FOXP1: variants seen among roughly 807,000 people sequenced by gnomAD.
FOXP1 encodes forkhead box protein P1.
Under a neutral mutation model 98.2 loss-of-function variants are expected in FOXP1, and 15 were observed. The ratio of observed to expected loss-of-function variants is 0.15; its 90% CI spans 0.10 to 0.24. FOXP1 has a LOEUF of 0.24. Among genes scored for constraint, FOXP1 ranks in the 10% least tolerant of loss-of-function variants. The pLI, the probability that FOXP1 is intolerant of heterozygous loss-of-function variation, is 1.00. For synonymous variants in FOXP1, 371 were observed against 314.5 expected (o/e 1.18, Z -1.90); for missense variants, 633 against 848.5 (o/e 0.75, Z 3.15).
At chr3:71,111,776 T>C (rs550688235) in intron 7 of FOXP1, among the ~76,000 whole-genome samples, 1 of 152,192 alleles carries the variant, frequency 6.6e-6, no homozygotes, top group Non-Finnish European at 1.5e-5. Flanking sequence ...AAATCAGAAG[T>C]TGCTAGAACA....
chr3:71,082,311 G>A (rs950371128), intron 7 of FOXP1, among the ~76,000 whole-genome samples: 12 of 150,754 alleles, frequency 8.0e-5, no homozygotes, highest in African/African-American at 1.2e-4. Context: ...AAGAATAGAC[G>A]GTGCTGATGT....
At chr3:71,473,132 T>C (rs2089507546) in intron 3 of FOXP1, among the ~76,000 whole-genome samples, 1 of 152,204 alleles carries the variant, frequency 6.6e-6, no homozygotes, top group Admixed American at 6.5e-5. Context: ...TAACATCACG[T>C]GCATAGCTCA....
intron 6 of FOXP1, among the ~76,000 whole-genome samples, chr3:71,159,588 C>T (rs888540213): frequency 6.6e-6 from 1 of 152,126 alleles, no homozygotes; most frequent in African/African-American, 2.4e-5. Context: ...CACAAATAAC[C>T]CATTCTCTTT....
chr3:71,047,844 G>A (rs1320382534), intron 9 of FOXP1, among the ~76,000 whole-genome samples: 1 of 152,114 alleles, frequency 6.6e-6, no homozygotes, highest in Non-Finnish European at 1.5e-5. Context: ...GGGGCTTTAC[G>A]ATATGATAAA....
chr3:71,004,976 T>C (rs891837913), intron 12 of FOXP1, among the ~76,000 whole-genome samples: 2 of 152,050 alleles, frequency 1.3e-5, no homozygotes, highest in African/African-American at 2.4e-5. Context: ...AAAAGGGCTA[T>C]GGAAAATGTG....
rs968640444 is a variant in FOXP1, at chr3:71,539,766, T to A, written c.-298+41783A>T. 6.6e-5 allele frequency among the ~76,000 whole-genome samples: 10 copies of A among 152,348 alleles called. No homozygotes were observed. In the South Asian group the frequency reaches 2.1e-3, roughly 32 times the overall value. On this transcript the variant is annotated intron_variant, in intron 2 of 20. Coordinates refer to ENST00000649528, the MANE Select transcript of FOXP1 (RefSeq NM_001349338.3). ...TAGCTTGAAATCTTTTTTATTAGCA[T>A]AAATTTTAAGTTGGAATTGTAGAAA... is the stretch of plus-strand genomic sequence containing the variant.
At chr3:71,399,641 C>G (rs1297747175) in intron 3 of FOXP1, among the ~76,000 whole-genome samples, 1 of 152,156 alleles carries the variant, frequency 6.6e-6, no homozygotes, top group Non-Finnish European at 1.5e-5. Context: ...TAACCTACAA[C>G]CTTCTGAGAT....
chr3:71,551,909 A>G (rs753809258), intron 2 of FOXP1, among the ~76,000 whole-genome samples: 2 of 152,206 alleles, frequency 1.3e-5, no homozygotes, highest in Non-Finnish European at 2.9e-5. Context: ...AAATGCATCA[A>G]TCACCTCTAA....
At position 70,958,242 on chromosome 3, in the gene FOXP1, C is replaced by A. The variant is rs1359632993; in HGVS notation, c.*1005G>T. On this transcript the variant is annotated 3_prime_UTR_variant, in exon 21 of 21. Transcript: ENST00000649528. ...AAAGAAAAAAAGAAAATCCGAAACA[C>A]CCCTCCCCCGAACCACCCCCAATAC... 6.1e-6 allele frequency: 3 copies of A among 493,122 alleles called. No individual in the cohort carries two copies. Among genetic ancestry groups the A allele is most frequent in the African/African-American group, 4.0e-5 (2 of 50,552 alleles). 30.5% of individuals were successfully genotyped at this position (493,122 alleles called of 1,614,324 possible). A position where few individuals can be genotyped will look rare whatever the true frequency, so the allele number is the denominator to read the frequency against.
chr3:71,435,908 GGAGGGAGGGAGGAAGGGAC>G (rs2108422698), intron 3 of FOXP1, among the ~76,000 whole-genome samples: 6 of 70,558 alleles, frequency 8.5e-5, no homozygotes, highest in African/African-American at 3.2e-4. Flanking sequence ...AGGAAGGGAC[GGAGGGAGGGAGGAAGGGAC>G]GGAGGGAGGG....
In FOXP1 at chr3:71,315,331, C is replaced by T. The variant is rs576133462; in HGVS notation, c.-72-15451G>A. Among the ~76,000 whole-genome samples, 22 of 152,148 alleles carry T rather than the reference C, an allele frequency of 1.4e-4. No individual in the cohort carries two copies. The South Asian group carries it at 4.6e-3, about 32-fold the overall frequency. On this transcript the variant is annotated intron_variant, in intron 4 of 20. Coordinates refer to ENST00000649528, the MANE Select transcript of FOXP1 (RefSeq NM_001349338.3). Reference sequence around the variant, plus strand: ...TACTCCTATTAATAATGATAGCAAGCACAAACCTGATTCAAAATGGGAAGC... The same window carrying T: ...TACTCCTATTAATAATGATAGCAAGTACAAACCTGATTCAAAATGGGAAGC...
chr3:71,482,897 T>C (rs2090387536), intron 3 of FOXP1, among the ~76,000 whole-genome samples: 1 of 151,820 alleles, frequency 6.6e-6, no homozygotes, highest in African/African-American at 2.4e-5. Flanking sequence ...TGTAGTGGCA[T>C]GATCTCAGCT....
At chr3:71,551,905 A>T (rs967332307) in intron 2 of FOXP1, among the ~76,000 whole-genome samples, 2 of 152,220 alleles carry the variant, frequency 1.3e-5, no homozygotes, top group Non-Finnish European at 2.9e-5. Context: ...CATCAAATGC[A>T]TCAATCACCT....
At chr3:71,533,470 A>G (rs569312154) in intron 2 of FOXP1, among the ~76,000 whole-genome samples, 38 of 152,364 alleles carry the variant, frequency 2.5e-4, no homozygotes, top group Non-Finnish European at 4.6e-4. Flanking sequence ...TATATGGAAC[A>G]TACAAAATAT....
intron 20 of FOXP1, among the ~76,000 whole-genome samples, chr3:70,961,412 G>A (rs138304589): frequency 3.1e-4 from 47 of 151,252 alleles, no homozygotes; most frequent in African/African-American, 1.1e-3. Flanking sequence ...TGTATTTTTA[G>A]TACAGATGAG....
rs1265034590 is a variant in FOXP1 at position 71,582,219 on chromosome 3, A to AG, written c.-446-523dup. On this transcript the variant is annotated intron_variant, in intron 1 of 20. Coordinates refer to ENST00000649528, the MANE Select transcript of FOXP1 (RefSeq NM_001349338.3). Reference sequence around the variant, plus strand: ...AAGGCGGAGCTCACAACAGGTGGGGAGGGGGGCTCGTCGAGGGCCAAAAAG... The same window carrying AG: ...AAGGCGGAGCTCACAACAGGTGGGGAGGGGGGGCTCGTCGAGGGCCAAAAAG... 8.4e-6 allele frequency: 8 copies of AG among 957,900 alleles called. No homozygotes were observed. In the Admixed American group the frequency reaches 2.3e-4, roughly 27 times the overall value. 59.3% of individuals were successfully genotyped at this position (957,900 alleles called of 1,614,324 possible).
chr3:71,095,833 T>C (rs570488585), intron 7 of FOXP1, among the ~76,000 whole-genome samples: 23 of 152,226 alleles, frequency 1.5e-4, no homozygotes, highest in Non-Finnish European at 3.2e-4. Context: ...ACAAAAAATG[T>C]GGCATAATCA....
intron 4 of FOXP1, among the ~76,000 whole-genome samples, chr3:71,307,169 C>G (rs576652742): frequency 4.6e-5 from 7 of 152,316 alleles, no homozygotes; most frequent in Admixed American, 4.6e-4. Flanking sequence ...TCCAGCAGGG[C>G]TGTGCTATAG....
intron 6 of FOXP1, among the ~76,000 whole-genome samples, chr3:71,126,884 C>CAAAAAAAAAAAA (rs1575879348): frequency 1.2e-5 from 1 of 80,352 alleles, no homozygotes; most frequent in African/African-American, 4.1e-5. Context: ...AAAAAAAAAA[C>CAAAAAAAAAAAA]AAAAACAAAA....
Sources: allele counts gnomAD v4.1 joint callset (sites outside exome capture counted in the v4.1 genomes callset), GRCh38; gene constraint gnomAD v4.1.1; transcripts MANE v1.5; gene names NCBI Gene and HGNC (gene_info 2026-07-23, HGNC 2026-07-21).